AGBL4: variants seen among roughly 807,000 people sequenced by gnomAD.
The protein encoded by AGBL4 is AGBL carboxypeptidase 4.
AGBL4 carries 58 observed loss-of-function variants against 66.4 expected under a neutral mutation model. The ratio of observed to expected loss-of-function variants is 0.87; its 90% CI spans 0.71 to 1.09. The LOEUF (loss-of-function observed/expected upper bound fraction) is 1.09. Among genes scored for constraint, AGBL4 ranks in the 50% least tolerant of loss-of-function variants. The probability of loss-of-function intolerance (pLI) is 0.00; values close to 1 mark genes in which losing one functional copy is unlikely to be tolerated. For missense variants in AGBL4, 579 were observed against 631.0 expected (o/e 0.92, Z 0.88); for synonymous variants, 234 against 222.9 (o/e 1.05, Z -0.44).
intron 3 of AGBL4, among the ~76,000 whole-genome samples, chr1:49,510,684 C>T (rs1649146472): frequency 1.3e-5 from 2 of 151,548 alleles, no homozygotes; most frequent in East Asian, 3.9e-4. Context: ...ATGGTAATGC[C>T]TAGGTTTTCT....
At chr1:49,803,496 A>T (rs1433151107) in intron 2 of AGBL4, among the ~76,000 whole-genome samples, 2 of 152,190 alleles carry the variant, frequency 1.3e-5, no homozygotes, top group African/African-American at 4.8e-5. Flanking sequence ...TTTCTGTGAC[A>T]TTTAATGAAT....
At chr1:48,957,936 C>T (rs1657619360) in intron 5 of AGBL4, among the ~76,000 whole-genome samples, 1 of 152,214 alleles carries the variant, frequency 6.6e-6, no homozygotes, top group South Asian at 2.1e-4. Context: ...GGATAAACTT[C>T]AGGATCCTTG....
chr1:49,983,621 T>C (rs1659261105), intron 1 of AGBL4, among the ~76,000 whole-genome samples: 1 of 152,274 alleles, frequency 6.6e-6, no homozygotes, highest in African/African-American at 2.4e-5. Flanking sequence ...GGTTTCCAGC[T>C]GGCAAAGCAA....
intron 11 of AGBL4, among the ~76,000 whole-genome samples, chr1:48,557,709 G>A (rs1281368913): frequency 2.6e-5 from 4 of 152,208 alleles, no homozygotes; most frequent in Admixed American, 2.0e-4. Context: ...AGCCAATTGA[G>A]TAACATTGGT....
chr1:49,433,311 T>G (rs1570704676), intron 3 of AGBL4, among the ~76,000 whole-genome samples: 1 of 152,020 alleles, frequency 6.6e-6, no homozygotes, highest in South Asian at 2.1e-4. Flanking sequence ...GCGTAGGAAG[T>G]GGGGGCAGTC....
chr1:49,504,521 A>T (rs1025191733), intron 3 of AGBL4, among the ~76,000 whole-genome samples: 1 of 151,960 alleles, frequency 6.6e-6, no homozygotes, highest in Non-Finnish European at 1.5e-5. Context: ...TAGATGCTCC[A>T]ATTTTGGGGT....
At chr1:49,358,323 A>G (rs1458976861) in intron 3 of AGBL4, among the ~76,000 whole-genome samples, 13 of 152,104 alleles carry the variant, frequency 8.5e-5, no homozygotes, top group Non-Finnish European at 1.5e-5. Context: ...CCCTAGTTAA[A>G]GATTAGATAT....
chr1:49,618,347 T>TTCACAGGCAAATTCTACCAGAGGTACA (rs1467120302), intron 3 of AGBL4, among the ~76,000 whole-genome samples: 4 of 132,892 alleles, frequency 3.0e-5, no homozygotes, highest in Admixed American at 7.7e-5. Flanking sequence ...GAATGATGTA[T>TTCACAGGCAAATTCTACCAGAGGTACA]AATCCTTTGG....
chr1:48,769,548 C>CACAA (rs1261490830), intron 6 of AGBL4, among the ~76,000 whole-genome samples: 1 of 146,580 alleles, frequency 6.8e-6, no homozygotes, highest in Non-Finnish European at 1.5e-5. Context: ...CACACACACA[C>CACAA]ACACACACAC....
At chr1:49,590,401 A>C (rs2124073742) in intron 3 of AGBL4, among the ~76,000 whole-genome samples, 1 of 152,038 alleles carries the variant, frequency 6.6e-6, no homozygotes, top group Non-Finnish European at 1.5e-5. Context: ...GAAGGAAAAA[A>C]AAAAAGGAGG....
chr1:49,000,495 G>C (rs1305344765), intron 5 of AGBL4, among the ~76,000 whole-genome samples: 1 of 152,142 alleles, frequency 6.6e-6, no homozygotes, highest in African/African-American at 2.4e-5. Flanking sequence ...CTTTGGATTT[G>C]ATTAATACAT....
chr1:49,153,723 C>T (rs577028196), intron 4 of AGBL4, among the ~76,000 whole-genome samples: 1 of 151,848 alleles, frequency 6.6e-6, no homozygotes, highest in Non-Finnish European at 1.5e-5. Flanking sequence ...TCTTTCTGGG[C>T]CTTGTTTTCC....
At chr1:49,769,196 C>A (rs1367980457) in intron 2 of AGBL4, among the ~76,000 whole-genome samples, 1 of 151,830 alleles carries the variant, frequency 6.6e-6, no homozygotes, top group Non-Finnish European at 1.5e-5. Flanking sequence ...AAATAAATAA[C>A]ACAATCTCAT....
At chr1:48,771,345 T>A (rs1644820958) in intron 6 of AGBL4, among the ~76,000 whole-genome samples, 1 of 152,204 alleles carries the variant, frequency 6.6e-6, no homozygotes, top group African/African-American at 2.4e-5. Flanking sequence ...GATGTGCTTT[T>A]AAAAATAAAA....
At chr1:49,600,556 T>G (rs1365014667) in intron 3 of AGBL4, among the ~76,000 whole-genome samples, 2 of 152,232 alleles carry the variant, frequency 1.3e-5, no homozygotes, top group Non-Finnish European at 2.9e-5. Context: ...GTCTTGACTC[T>G]TTATCCAATT....
intron 1 of AGBL4, among the ~76,000 whole-genome samples, chr1:49,986,486 T>A (rs1659514654): frequency 6.6e-6 from 1 of 152,102 alleles, no homozygotes. Context: ...TTTGTGCACA[T>A]CTTTGGTGCA....
chr1:49,157,079 T>C (rs1384601937), intron 4 of AGBL4, among the ~76,000 whole-genome samples: 1 of 152,184 alleles, frequency 6.6e-6, no homozygotes, highest in African/African-American at 2.4e-5. Context: ...AGATACTTTT[T>C]TCATTTTTAT....
At chr1:49,228,515 G>T (rs1650073926) in intron 4 of AGBL4, among the ~76,000 whole-genome samples, 1 of 152,096 alleles carries the variant, frequency 6.6e-6, no homozygotes, top group African/African-American at 2.4e-5. Context: ...TGAGGGAATT[G>T]CTATGTGAAT....
intron 3 of AGBL4, among the ~76,000 whole-genome samples, chr1:49,487,885 A>G (rs533133996): frequency 6.6e-6 from 1 of 152,000 alleles, no homozygotes; most frequent in Admixed American, 6.6e-5. Context: ...CATGTAATTA[A>G]AGGATAGGTT....
Sources: gnomAD v4.1 joint callset for allele counts (sites outside exome capture counted in the v4.1 genomes callset) on GRCh38, gnomAD v4.1.1 for gene constraint, MANE v1.5 for transcripts, NCBI Gene and HGNC (gene_info 2026-07-23, HGNC 2026-07-21) for gene names.